Variants in SYT16 observed in about 807,000 individuals in gnomAD.
The protein encoded by SYT16 is synaptotagmin 16.
Under a neutral mutation model 61.4 loss-of-function variants are expected in SYT16, and 42 were observed. The ratio of observed to expected loss-of-function variants is 0.68; its 90% CI spans 0.53 to 0.89. The LOEUF (loss-of-function observed/expected upper bound fraction) is 0.89. SYT16 is among the 40% of genes least tolerant of loss of function. SYT16 has a pLI of 0.00. For missense variants in SYT16, 804 were observed against 807.3 expected (o/e 1.00, Z 0.05); for synonymous variants, 314 against 302.3 (o/e 1.04, Z -0.40).
chr14:62,066,942 G>T (rs922768171), intron 3 of SYT16, among the ~76,000 whole-genome samples: 4 of 152,204 alleles, frequency 2.6e-5, no homozygotes, highest in African/African-American at 7.2e-5. Flanking sequence ...CACAGCACAT[G>T]CAGGGAGCTC....
At chr14:61,845,081 A>G (rs2046406619) in intron 1 of SYT16, among the ~76,000 whole-genome samples, 1 of 128,244 alleles carries the variant, frequency 7.8e-6, no homozygotes, top group Admixed American at 9.5e-5. Flanking sequence ...AGAGTCTCAC[A>G]CTGTCACCCC....
chr14:61,906,711 TTCCATCCATCCATCCA>T (rs761316889), intron 1 of SYT16, among the ~76,000 whole-genome samples: 1 of 55,676 alleles, frequency 1.8e-5, no homozygotes, highest in Non-Finnish European at 4.3e-5. Context: ...CCATCCATCC[TTCCATCCATCCATCCA>T]TCCATCCATC....
chr14:62,052,544 G>C (rs1233305100), intron 3 of SYT16, among the ~76,000 whole-genome samples: 1 of 152,156 alleles, frequency 6.6e-6, no homozygotes, highest in Non-Finnish European at 1.5e-5. Context: ...CCTTCCTTAA[G>C]CTAGTTGAAT....
Position 62,107,169 on chromosome 14 carries a change from C to T in SYT16, c.*6462C>T, listed in dbSNP as rs1009767836. 1.1e-4 allele frequency: 17 copies of T among 151,850 alleles called. No individual in the cohort carries two copies. Among genetic ancestry groups the T allele is most frequent in the African/African-American group, 4.1e-4 (17 of 41,310 alleles). The allele number at this position is 151,850 out of a possible 1,614,324, so 9.4% of individuals were successfully genotyped here. Reference sequence around the variant, plus strand: ...TCTTTATAGGTTGGGCATGGTGGCTCACACCTGTAATCCCAGAACTTTGGG... The same window carrying T: ...TCTTTATAGGTTGGGCATGGTGGCTTACACCTGTAATCCCAGAACTTTGGG... On this transcript the variant is annotated 3_prime_UTR_variant, in exon 8 of 8. Coordinates refer to ENST00000683842, the MANE Select transcript of SYT16 (RefSeq NM_001367656.1).
At chr14:62,071,689 A>T (rs2056305643) in intron 4 of SYT16, among the ~76,000 whole-genome samples, 1 of 152,008 alleles carries the variant, frequency 6.6e-6, no homozygotes, top group Admixed American at 6.5e-5. Context: ...TTAAGCATGC[A>T]CTCCAGAGAG....
intron 3 of SYT16, among the ~76,000 whole-genome samples, chr14:62,024,200 C>T (rs1301170308): frequency 2.6e-5 from 4 of 151,934 alleles, no homozygotes; most frequent in South Asian, 2.1e-4. Context: ...GAATGGAAGT[C>T]GTGCAAAATA....
At chr14:61,913,009 G>C (rs1266420373) in intron 1 of SYT16, among the ~76,000 whole-genome samples, 1 of 151,766 alleles carries the variant, frequency 6.6e-6, no homozygotes, top group Non-Finnish European at 1.5e-5. Context: ...TGGAGTCTTG[G>C]TCCTTCTTCA....
At chr14:61,830,064 CTATTATTTTCAGTTT>C (rs1186195213) in intron 1 of SYT16, among the ~76,000 whole-genome samples, 5 of 152,062 alleles carry the variant, frequency 3.3e-5, no homozygotes, top group Admixed American at 6.6e-5. Flanking sequence ...TTTTTCAGTT[CTATTATTTTCAGTTT>C]TATTCTTTAT....
chr14:62,020,141 C>T (rs1595173865), intron 3 of SYT16, among the ~76,000 whole-genome samples: 1 of 152,252 alleles, frequency 6.6e-6, no homozygotes, highest in East Asian at 1.9e-4. Flanking sequence ...ATGGAGTTCT[C>T]ATGCTGAATT....
At chr14:62,038,953 C>A (rs1467134097) in intron 3 of SYT16, among the ~76,000 whole-genome samples, 1 of 152,150 alleles carries the variant, frequency 6.6e-6, no homozygotes, top group Non-Finnish European at 1.5e-5. Flanking sequence ...TTGCTTGTCA[C>A]AACAACTTTG....
Position 61,995,863 on chromosome 14 carries a change from T to C in SYT16, c.-144-13T>C. 2 of 700,620 alleles carry C rather than the reference T, an allele frequency of 2.9e-6. No individual in the cohort carries two copies. Among genetic ancestry groups the C allele is most frequent in the Non-Finnish European group, 4.5e-6 (2 of 445,114 alleles). 43.4% of individuals were successfully genotyped at this position (700,620 alleles called of 1,614,324 possible). The stretch of plus-strand genomic sequence containing the variant: ...ACTTTAACAGGTGTAAGTATTTCTT[T>C]CCTCTGTTTCAGCTGGAAGTTTTGA... On this transcript the variant is annotated splice_polypyrimidine_tract_variant and intron_variant, in intron 2 of 7. Transcript: ENST00000683842.
At chr14:61,888,824 A>T (rs896214123) in intron 1 of SYT16, among the ~76,000 whole-genome samples, 3 of 152,068 alleles carry the variant, frequency 2.0e-5, no homozygotes, top group Non-Finnish European at 4.4e-5. Context: ...AAAGCATAAT[A>T]AAACAAGATA....
chr14:61,987,709 G>A (rs1325445309), intron 2 of SYT16, among the ~76,000 whole-genome samples: 1 of 149,908 alleles, frequency 6.7e-6, no homozygotes, highest in African/African-American at 2.5e-5. Flanking sequence ...AATTGGAGTT[G>A]TGTTATGGTG....
chr14:62,084,491 T>G (rs1803899323), intron 7 of SYT16, 106 bp downstream of exon 7: 2 of 1,295,374 alleles, frequency 1.5e-6, no homozygotes, highest in Admixed American at 5.9e-5. Flanking sequence ...AATGATCTTA[T>G]TATGGCTTAA....
intron 1 of SYT16, among the ~76,000 whole-genome samples, chr14:61,940,521 G>A (rs1432853144): frequency 3.3e-5 from 5 of 152,078 alleles, no homozygotes; most frequent in Non-Finnish European, 7.4e-5. Context: ...ACAGCATTCT[G>A]CAACTTTGGA....
intron 1 of SYT16, among the ~76,000 whole-genome samples, chr14:61,857,832 A>G (rs73256461): frequency 0.099 from 15,053 of 152,138 alleles, 1,592 homozygotes; most frequent in African/African-American, 0.27. Flanking sequence ...TTCATCTCTA[A>G]TAAAAGGGAA....
chr14:61,815,594 A>T (rs1234411026), intron 1 of SYT16, among the ~76,000 whole-genome samples: 2 of 152,254 alleles, frequency 1.3e-5, no homozygotes, highest in Admixed American at 6.5e-5. Flanking sequence ...ACAAAAAAGA[A>T]CATAGCCAAT....
At chr14:61,944,168 A>G (rs768188339) in intron 1 of SYT16, among the ~76,000 whole-genome samples, 16 of 152,196 alleles carry the variant, frequency 1.1e-4, no homozygotes, top group Non-Finnish European at 2.1e-4. Context: ...TAGGAATCCA[A>G]CTTACATGGG....
At chr14:61,987,583 C>T (rs1273899298) in intron 2 of SYT16, among the ~76,000 whole-genome samples, 1 of 151,992 alleles carries the variant, frequency 6.6e-6, no homozygotes, top group Non-Finnish European at 1.5e-5. Context: ...ATGGGTAGGC[C>T]TTGGTAAGCA....
Sources: allele counts gnomAD v4.1 joint callset (sites outside exome capture counted in the v4.1 genomes callset), GRCh38; gene constraint gnomAD v4.1.1; transcripts MANE v1.5; gene names NCBI Gene and HGNC (gene_info 2026-07-23, HGNC 2026-07-21).